FRMD1: variants seen among roughly 807,000 people sequenced by gnomAD.
The protein encoded by FRMD1 is FERM domain-containing protein 1.
Under a neutral mutation model 54.9 loss-of-function variants are expected in FRMD1, and 51 were observed. The observed-to-expected ratio is 0.93, with a 90% CI of 0.74 to 1.17. The LOEUF (loss-of-function observed/expected upper bound fraction) is 1.17. FRMD1 is among the 50% of genes most tolerant of loss of function. The pLI is 0.00. For synonymous variants in FRMD1, 324 were observed against 306.4 expected, an observed-to-expected ratio of 1.06 and a Z score of -0.60; for missense variants, 729 against 743.0, an observed-to-expected ratio of 0.98 and a Z score of 0.22.
Position 168,059,313 on chromosome 6 carries a change from C to T in FRMD1, c.1343-125G>A. 1 of 736,368 alleles carries T rather than the reference C, an allele frequency of 1.4e-6. No individual in the cohort carries two copies. The highest frequency in any genetic ancestry group is 2.2e-6 in the Non-Finnish European group (1 of 450,234). The allele number at this position is 736,368 out of a possible 1,614,324, so 45.6% of individuals were successfully genotyped here. A position where few individuals can be genotyped will look rare whatever the true frequency, so the allele number is the denominator to read the frequency against. ...CCGGCATCTCCTGAGGCTCACACCG[C>T]CCCCTTGCTCTCAGTGCGGTGACTG... On this transcript the variant is annotated intron_variant, in intron 9 of 10. Transcript: ENST00000283309. This position sits in a 1 kb window ranked among gnomAD's most constrained non-coding sequence, Gnocchi z 4.4.
rs1247270325 is a variant in FRMD1 at position 168,059,613 on chromosome 6, G to A, written c.1343-425C>T. Among the ~76,000 whole-genome samples, 5 of 152,166 alleles carry A rather than the reference G, an allele frequency of 3.3e-5. No homozygotes were observed. The highest frequency in any genetic ancestry group is 1.3e-4 in the Admixed American group (2 of 15,286). On this transcript the variant is annotated intron_variant, in intron 9 of 10. Coordinates refer to ENST00000283309, the MANE Select transcript of FRMD1 (RefSeq NM_024919.6). The surrounding 1 kb of genome is among the most constrained non-coding windows in gnomAD (Gnocchi z 4.4). ...TGTAGGTGATGCTGGGCGGTCCTGGGTGACTGAGCCCTGGGGCTGGTCCCA... is the reference window on the plus strand; with the variant it reads ...TGTAGGTGATGCTGGGCGGTCCTGGATGACTGAGCCCTGGGGCTGGTCCCA...
At chr6:168,068,994 C>T (rs374480886) in intron 2 of FRMD1, among the ~76,000 whole-genome samples, 14 of 152,346 alleles carry the variant, frequency 9.2e-5, no homozygotes, top group South Asian at 6.2e-4. Context: ...GTCACCAGCC[C>T]CAGTTTACTT....
chr6:168,057,344 G>C lies in FRMD1; in HGVS notation c.1408-5C>G. 1 of 1,608,624 alleles carries C rather than the reference G, an allele frequency of 6.2e-7. No homozygotes were observed. Among genetic ancestry groups the C allele is most frequent in the Non-Finnish European group, 8.5e-7 (1 of 1,179,728 alleles). On this transcript the variant is annotated splice_region_variant and splice_polypyrimidine_tract_variant and intron_variant, in intron 10 of 10. Coordinates refer to ENST00000283309, the MANE Select transcript of FRMD1 (RefSeq NM_024919.6). ...CCCGGCTGTCATTTCCTGGATCTGC[G>C]GGGAGAGGCCATGGGATGAGGCCTG...
Position 168,057,076 on chromosome 6 carries a change from G to C in FRMD1, c.*21C>G, listed in dbSNP as rs759677465. ...GGGGCTGAGCCTGGCGGTGCGGACGGTACTGCTGGGTGGGTGGTGCCTACA... is the reference window on the plus strand; with the variant it reads ...GGGGCTGAGCCTGGCGGTGCGGACGCTACTGCTGGGTGGGTGGTGCCTACA... On this transcript the variant is annotated 3_prime_UTR_variant, in exon 11 of 11. Coordinates refer to ENST00000283309, the MANE Select transcript of FRMD1 (RefSeq NM_024919.6). 6.8e-7 allele frequency: 1 copy of C among 1,463,964 alleles called. No homozygotes were observed. The highest frequency in any genetic ancestry group is 1.4e-5 in the African/African-American group (1 of 70,248). The allele number at this position is 1,463,964 out of a possible 1,614,324, so 90.7% of individuals were successfully genotyped here.
chr6:168,082,102 C>CACA (rs1227360531), upstream of FRMD1, among the ~76,000 whole-genome samples: 1 of 152,190 alleles, frequency 6.6e-6, no homozygotes, highest in East Asian at 1.9e-4. Flanking sequence ...CACATGCTTG[C>CACA]ACACGTATGT....
rs1475099787 is a variant in FRMD1 at position 168,065,143 on chromosome 6, A to G, written c.462-86T>C. On this transcript the variant is annotated intron_variant, in intron 4 of 10. Transcript: ENST00000283309. ...GCCCTGCCTTGTCCCTCCCCACACC[A>G]GCTCCCAGGGCTGTCCTGAGCCCCT... 9.4e-6 allele frequency: 14 copies of G among 1,492,888 alleles called. No individual in the cohort carries two copies. In the East Asian group the frequency reaches 3.1e-4, roughly 33 times the overall value. 92.5% of individuals were successfully genotyped at this position (1,492,888 alleles called of 1,614,324 possible).
chr6:168,073,642 A>C (rs1478071530), intron 2 of FRMD1, among the ~76,000 whole-genome samples: 2 of 152,100 alleles, frequency 1.3e-5, no homozygotes, highest in African/African-American at 4.8e-5. Flanking sequence ...GCTGAGGGAA[A>C]GGCTGGCTTC....
Position 168,057,028 on chromosome 6 carries a change from G to A in FRMD1, c.*69C>T. On this transcript the variant is annotated 3_prime_UTR_variant, in exon 11 of 11. Transcript: ENST00000283309. ...ATCTGGCGGGCAGGAAGGGACGAGGGCCATGTGGAAGTGGGGTGGGCAGGG... is the reference window on the plus strand; with the variant it reads ...ATCTGGCGGGCAGGAAGGGACGAGGACCATGTGGAAGTGGGGTGGGCAGGG... The A allele has an allele frequency of 3.5e-6, 5 of 1,423,574 alleles. No individual in the cohort carries two copies. The highest frequency in any genetic ancestry group is 3.7e-6 in the Non-Finnish European group (4 of 1,086,736). The allele number at this position is 1,423,574 out of a possible 1,614,324, so 88.2% of individuals were successfully genotyped here. A position where few individuals can be genotyped will look rare whatever the true frequency, so the allele number is the denominator to read the frequency against.
rs368201828 is a variant in FRMD1, at chr6:168,066,888, T to C, written c.385-57A>G. The C allele has an allele frequency of 1.8e-4, 288 of 1,595,682 alleles. 1 individual carries two copies. Among genetic ancestry groups the C allele is most frequent in the Non-Finnish European group, 2.4e-4 (276 of 1,171,106 alleles). The stretch of plus-strand genomic sequence containing the variant: ...AGCCGCAGGGAGGTGCCGCTGGCTG[T>C]CCTGTCTTCCCAGTTGGGGGGGCCT... On this transcript the variant is annotated intron_variant, in intron 3 of 10. Transcript: ENST00000283309.
At position 168,065,354 on chromosome 6, in the gene FRMD1, C is replaced by T. The variant is rs1799975558; in HGVS notation, c.462-297G>A. 4 of 1,200,050 alleles carry T rather than the reference C, an allele frequency of 3.3e-6. No homozygotes were observed. In the South Asian group the frequency reaches 8.1e-5, roughly 24 times the overall value. The allele number at this position is 1,200,050 out of a possible 1,614,324, so 74.3% of individuals were successfully genotyped here. ...AGCTTGGCCTTCACCAAACCAAGCC[C>T]CAGTGCAGGAGAGGTGCACAGAGCC... On this transcript the variant is annotated intron_variant, in intron 4 of 10. Coordinates refer to ENST00000283309, the MANE Select transcript of FRMD1 (RefSeq NM_024919.6).
intron 4 of FRMD1, chr6:168,065,522 T>G: frequency 1.0e-6 from 1 of 988,600 alleles, no homozygotes; most frequent in Non-Finnish European, 1.2e-6. Flanking sequence ...AGGTGGAGGC[T>G]CGCCCAAGAT....
intron 2 of FRMD1, among the ~76,000 whole-genome samples, chr6:168,070,383 AGGAGGGAG>A (rs59927393): frequency 4.6e-5 from 4 of 87,486 alleles, no homozygotes; most frequent in African/African-American, 1.4e-4. Context: ...GAGGGAGGGA[AGGAGGGAG>A]GGAGGGAGGG....
rs900120515 is a variant in FRMD1, at chr6:168,062,972, G to A, written c.805-13C>T. On this transcript the variant is annotated splice_polypyrimidine_tract_variant and intron_variant, in intron 6 of 10. Coordinates refer to ENST00000283309, the MANE Select transcript of FRMD1 (RefSeq NM_024919.6). Reference sequence around the variant, plus strand: ...CTTCCTTCTTATCCTAGAGGACACAGGTCAGAGGTCAAGTTGCAGGCCTGG... The same window carrying A: ...CTTCCTTCTTATCCTAGAGGACACAAGTCAGAGGTCAAGTTGCAGGCCTGG... The A allele has an allele frequency of 1.2e-6, 2 of 1,612,408 alleles. No homozygotes were observed. The highest frequency in any genetic ancestry group is 1.7e-6 in the Non-Finnish European group (2 of 1,178,432).
chr6:168,074,058 C>G (rs1269502742), intron 2 of FRMD1, among the ~76,000 whole-genome samples: 3 of 152,140 alleles, frequency 2.0e-5, no homozygotes, highest in Admixed American at 6.5e-5. Context: ...CAACCTCAAG[C>G]CCCCACTATA....
chr6:168,091,280 G>A (rs1236117148), intron 1 of FRMD1, among the ~76,000 whole-genome samples: 1 of 152,232 alleles, frequency 6.6e-6, no homozygotes, highest in Non-Finnish European at 1.5e-5. Flanking sequence ...CAGGCTGCAG[G>A]TGGAGATGCC....
At chr6:168,078,540 G>GGCCCTGCTCACCCTCACA (rs1800692628) in intron 1 of FRMD1, among the ~76,000 whole-genome samples, 5 of 104,996 alleles carry the variant, frequency 4.8e-5, no homozygotes, top group Admixed American at 1.0e-4. Context: ...TCACCCCCAC[G>GGCCCTGCTCACCCTCACA]GCCCTGCTCA....
chr6:168,070,205 A>G (rs1429471266), intron 2 of FRMD1, among the ~76,000 whole-genome samples: 2 of 147,240 alleles, frequency 1.4e-5, no homozygotes, highest in Non-Finnish European at 3.0e-5. Context: ...GGAAGGAAGG[A>G]AGGAAAGAAA....
intron 2 of FRMD1, among the ~76,000 whole-genome samples, chr6:168,073,916 TC>T (rs1310672832): frequency 7.9e-5 from 12 of 151,908 alleles, no homozygotes; most frequent in Admixed American, 7.9e-4. Flanking sequence ...AGCCCTGTCC[TC>T]CCCAGGCAGC....
At chr6:168,091,740 T>C (rs1413977777) in intron 1 of FRMD1, among the ~76,000 whole-genome samples, 1 of 152,182 alleles carries the variant, frequency 6.6e-6, no homozygotes, top group Admixed American at 6.5e-5. Flanking sequence ...AACCGAATCA[T>C]AGCTCCTCAG....
Sources: allele counts gnomAD v4.1 joint callset (sites outside exome capture counted in the v4.1 genomes callset), GRCh38; gene constraint gnomAD v4.1.1; non-coding constraint Gnocchi (gnomAD v3.1); transcripts MANE v1.5; gene names NCBI Gene and HGNC (gene_info 2026-07-23, HGNC 2026-07-21).